Variants in STAB1 observed in about 807,000 individuals in gnomAD.
STAB1 encodes the protein stabilin 1, also known as stabilin-1.
A neutral mutation model predicts 332.4 loss-of-function variants in STAB1; 250 were observed. The observed-to-expected ratio is 0.75, with a 90% CI of 0.68 to 0.84. The LOEUF (loss-of-function observed/expected upper bound fraction) is 0.84. Ranked by LOEUF, STAB1 falls within the 40% of genes least tolerant of loss-of-function variation. The pLI is 0.00. For missense variants in STAB1, 3,249 were observed against 3,489.7 expected (o/e 0.93, Z 1.74); for synonymous variants, 1,475 against 1,390.4 (o/e 1.06, Z -1.35).
chr3:52,520,509 G>T lies in STAB1; in HGVS notation c.5609G>T (p.Gly1870Val). 3.1e-6 allele frequency: 5 copies of T among 1,612,456 alleles called. No homozygotes were observed. The highest frequency in any genetic ancestry group is 4.2e-6 in the Non-Finnish European group (5 of 1,179,856). ...CAGCTGCTGGAGCCACCTGGCCTTG[G>T]TGCTCGCTGTGACCACTTTGAGACC... is the stretch of plus-strand genomic sequence containing the variant. ...IDQLLEPPGL[G>V]ARCDHFETRP... Residue 1870 changes from glycine to valine, a missense_variant, in exon 53 of 69, where the codon GGT becomes GTT. Physicochemically the swap from Gly to Val is moderately radical, Grantham distance 109. Transcript: ENST00000321725.
chr3:52,503,404 A>G lies in STAB1; in HGVS notation c.755A>G (p.Lys252Arg), dbSNP rs143430299. Residue 252 changes from lysine to arginine, a missense_variant, in exon 8 of 69, where the codon AAG (lysine) becomes AGG (arginine). Coordinates refer to ENST00000321725, the MANE Select transcript of STAB1 (RefSeq NM_015136.3). ...SLLAQCSVSP[K>R]GQAQCHCPEN... Reference sequence around the variant, plus strand: ...CTGGCCCAGTGCTCGGTGAGCCCCAAGGGGCAGGCTCAGTGTCACTGCCCT... The same window carrying G: ...CTGGCCCAGTGCTCGGTGAGCCCCAGGGGGCAGGCTCAGTGTCACTGCCCT... 24 of 1,613,504 alleles carry G rather than the reference A, an allele frequency of 1.5e-5. No homozygotes were observed. Among genetic ancestry groups the G allele is most frequent in the Non-Finnish European group, 1.8e-5 (21 of 1,180,026 alleles).
rs778143328 is a variant in STAB1 at position 52,511,679 on chromosome 3, C to G, written c.2817C>G (p.Ala939=). 11 of 1,610,692 alleles carry G rather than the reference C, an allele frequency of 6.8e-6. No homozygotes were observed. The South Asian group carries it at 1.1e-4, about 16-fold the overall frequency. Residue 939 remains alanine (A), a synonymous_variant, in exon 26 of 69, where the codon GCC becomes GCG. Transcript: ENST00000321725. The part of the protein sequence containing the change: ...QSRCTCKLGF[A]GDGYQCSPID... ...GATGCACCTGCAAGCTGGGCTTTGC[C>G]GGGGATGGCTACCAGTGCAGCCCCA...
At chr3:52,521,157 A>G in intron 55 of STAB1, 152 bp downstream of exon 55, 1 of 1,190,560 alleles carries the variant, frequency 8.4e-7, no homozygotes, top group Non-Finnish European at 1.1e-6. Flanking sequence ...TGCTCGGGAG[A>G]GGCATGGCGG....
chr3:52,519,497 T>C lies in STAB1; in HGVS notation c.5176-8T>C, dbSNP rs544899731. ...CTGGCCTAGCTGTTTATGAGAGCCT[T>C]TCCTCAGAGAAATGTCACCGCCGCC... On this transcript the variant is annotated splice_polypyrimidine_tract_variant and splice_region_variant and intron_variant, in intron 49 of 68. Transcript: ENST00000321725. 8 of 1,613,218 alleles carry C rather than the reference T, an allele frequency of 5.0e-6. No individual in the cohort carries two copies. The East Asian group carries it at 1.8e-4, about 36-fold the overall frequency.
rs773382577 is a variant in STAB1, at chr3:52,522,200, C to T, written c.6435C>T (p.Ser2145=). ...CAGATGGCCACCGCGGGGGCTGCAGCGAGCACGCCAACTGCTTGAGCACCG... is the reference window on the plus strand; with the variant it reads ...CAGATGGCCACCGCGGGGGCTGCAGTGAGCACGCCAACTGCTTGAGCACCG... The part of the protein sequence containing the change: ...PCTDGHRGGC[S]EHANCLSTGL... The change falls in exon 59 of 69, where the codon AGC becomes AGT. Residue 2145 remains serine (S), a synonymous_variant. Coordinates refer to ENST00000321725, the MANE Select transcript of STAB1 (RefSeq NM_015136.3). 17 of 1,612,442 alleles carry T rather than the reference C, an allele frequency of 1.1e-5. No homozygotes were observed. Among genetic ancestry groups the T allele is most frequent in the African/African-American group, 5.3e-5 (4 of 74,882 alleles).
Position 52,502,110 on chromosome 3 carries a change from G to T in STAB1, c.417+19G>T. On this transcript the variant is annotated intron_variant, in intron 4 of 68. Transcript: ENST00000321725. ...GTGCCAGGTAAGGGCTGGGCAAGGT[G>T]GGGTGGAGGCTCAGAGGGGCCACGC... is the stretch of plus-strand genomic sequence containing the variant. The T allele has an allele frequency of 1.9e-6, 3 of 1,613,664 alleles. No homozygotes were observed. Among genetic ancestry groups the T allele is most frequent in the Admixed American group, 1.7e-5 (1 of 60,020 alleles).
At position 52,522,545 on chromosome 3, in the gene STAB1, C is replaced by T. The variant is rs1412761157; in HGVS notation, c.6611-10C>T. ...CCGGCCAGCTGACCATGCACCCCTC[C>T]ATTCTGCAGAGAAACGGGCTGGCGT... is the stretch of plus-strand genomic sequence containing the variant. On this transcript the variant is annotated splice_polypyrimidine_tract_variant and intron_variant, in intron 60 of 68. Transcript: ENST00000321725. The T allele has an allele frequency of 5.0e-6, 8 of 1,612,980 alleles. No individual in the cohort carries two copies. The highest frequency in any genetic ancestry group is 2.7e-5 in the African/African-American group (2 of 74,946).
chr3:52,511,639 A>G lies in STAB1; in HGVS notation c.2788-11A>G. 1 of 1,606,762 alleles carries G rather than the reference A, an allele frequency of 6.2e-7. No homozygotes were observed. The highest frequency in any genetic ancestry group is 1.1e-5 in the South Asian group (1 of 90,042). Reference sequence around the variant, plus strand: ...TCATGAGACAAGGCCGTCTGTTCCTAACCTTTCCAGAGCCGATGCACCTGC... The same window carrying G: ...TCATGAGACAAGGCCGTCTGTTCCTGACCTTTCCAGAGCCGATGCACCTGC... On this transcript the variant is annotated splice_polypyrimidine_tract_variant and intron_variant, in intron 25 of 68. Coordinates refer to ENST00000321725, the MANE Select transcript of STAB1 (RefSeq NM_015136.3).
chr3:52,504,589 A>ACCT (rs773591505), intron 11 of STAB1, 40 bp downstream of exon 11: 39 of 1,612,614 alleles, frequency 2.4e-5, no homozygotes, highest in Non-Finnish European at 3.0e-5. Flanking sequence ...ACTGGCCCTC[A>ACCT]CCTCCTCCCC....
Position 52,523,576 on chromosome 3 carries a change from G to C in STAB1, c.7290G>C (p.Val2430=), listed in dbSNP as rs1398679273. The C allele has an allele frequency of 1.1e-5, 17 of 1,612,588 alleles. No homozygotes were observed. The highest frequency in any genetic ancestry group is 1.4e-5 in the Non-Finnish European group (17 of 1,180,006). ...AGPDNSSWAP[V]APGTVVVSRI... ...CTGACAACAGTTCCTGGGCCCCTGT[G>C]GTGAGTCTGGCCACTGTCCCACCCT... The change falls in exon 65 of 69, where the codon GTG becomes GTC. Residue 2430 remains valine, a splice_region_variant and synonymous_variant. Transcript: ENST00000321725.
chr3:52,515,407 C>A lies in STAB1; in HGVS notation c.3865-16C>A. The A allele has an allele frequency of 1.2e-6, 2 of 1,612,180 alleles. No individual in the cohort carries two copies. The highest frequency in any genetic ancestry group is 1.7e-6 in the Non-Finnish European group (2 of 1,179,898). On this transcript the variant is annotated splice_polypyrimidine_tract_variant and intron_variant, in intron 36 of 68. Coordinates refer to ENST00000321725, the MANE Select transcript of STAB1 (RefSeq NM_015136.3). ...CAAGCCACTGGCTGACCCCTCCTGC[C>A]TGTCCCCGTTTCCAGGACACACCCA...
At chr3:52,518,930 T>G in intron 48 of STAB1, 61 bp downstream of exon 48, 1 of 416,696 alleles carries the variant, frequency 2.4e-6, no homozygotes, top group Non-Finnish European at 3.4e-6. Flanking sequence ...TGCGCGCCAT[T>G]GCCCCAGGCC....
intron 59 of STAB1, 47 bp downstream of exon 59, chr3:52,522,277 G>C: frequency 6.2e-7 from 1 of 1,611,248 alleles, no homozygotes; most frequent in Non-Finnish European, 8.5e-7. Context: ...AGGCCTGGCA[G>C]AACTTCCGAC....
In STAB1 at chr3:52,514,541, C is replaced by G. The variant is rs1482832276; in HGVS notation, c.3678+45C>G. ...AGGAGACCCTAGCCCGGGCCCCTAC[C>G]CCTGAAGATCCCTTCCCTTTGGAGT... On this transcript the variant is annotated intron_variant, in intron 34 of 68. Coordinates refer to ENST00000321725, the MANE Select transcript of STAB1 (RefSeq NM_015136.3). The G allele has an allele frequency of 2.0e-6, 3 of 1,528,084 alleles. No individual in the cohort carries two copies. In the African/African-American group the frequency reaches 4.2e-5, roughly 21 times the overall value. 94.7% of individuals were successfully genotyped at this position (1,528,084 alleles called of 1,614,324 possible). A position where few individuals can be genotyped will look rare whatever the true frequency, so the allele number is the denominator to read the frequency against.
At chr3:52,509,462 A>T in intron 22 of STAB1, 141 bp downstream of exon 22, 1 of 746,494 alleles carries the variant, frequency 1.3e-6, no homozygotes. Context: ...TTGCCTAAAA[A>T]TGGGTCTGGG....
In STAB1 at chr3:52,517,093, C is replaced by A; in HGVS notation, c.4473C>A (p.Asp1491Glu). 2 of 1,565,664 alleles carry A rather than the reference C, an allele frequency of 1.3e-6. No homozygotes were observed. Among genetic ancestry groups the A allele is most frequent in the South Asian group, 1.2e-5 (1 of 83,124 alleles). The change falls in exon 42 of 69, where the codon GAC becomes GAA. Residue 1491 changes from aspartate to glutamate, a missense_variant. By Grantham distance (45) the Asp-to-Glu change is conservative. Coordinates refer to ENST00000321725, the MANE Select transcript of STAB1 (RefSeq NM_015136.3). ...TCTCQDGYMG[D>E]GELCQEINSC... Reference sequence around the variant, plus strand: ...CCTGCCAGGATGGCTACATGGGCGACGGGGAGCTGTGCCAGGGTGAGACTA... The same window carrying A: ...CCTGCCAGGATGGCTACATGGGCGAAGGGGAGCTGTGCCAGGGTGAGACTA...
chr3:52,520,192 C>T lies in STAB1; in HGVS notation c.5413-12C>T, dbSNP rs72947531. ...TGCCTTTCCACCTCCAACCATGACT[C>T]CACTTGCTCAGGCCTTGGCATCTGA... On this transcript the variant is annotated splice_polypyrimidine_tract_variant and intron_variant, in intron 51 of 68. Transcript: ENST00000321725. 8,400 of 1,613,166 alleles carry T rather than the reference C, an allele frequency of 5.2e-3. 413 individuals are homozygous for T. In the African/African-American group the frequency reaches 0.1, roughly 20 times the overall value.
chr3:52,517,239 G>T, intron 42 of STAB1, 81 bp from the exon 43 acceptor site: 1 of 1,486,940 alleles, frequency 6.7e-7, no homozygotes. Flanking sequence ...AGAGGAGGGG[G>T]TGGGACAGAT....
intron 28 of STAB1, 64 bp from the exon 29 acceptor site, chr3:52,512,764 G>A (rs1709385942): frequency 1.2e-6 from 2 of 1,607,022 alleles, no homozygotes; most frequent in Admixed American, 1.7e-5. Context: ...GCCTAGAGCA[G>A]GGGATCTGAA....
Sources: allele counts gnomAD v4.1 joint callset, GRCh38; gene constraint gnomAD v4.1.1; transcripts MANE v1.5; gene names NCBI Gene and HGNC (gene_info 2026-07-23, HGNC 2026-07-21).